Variants in ZDHHC20 observed in about 807,000 individuals in gnomAD.
ZDHHC20 encodes zDHHC palmitoyltransferase 20.
In ZDHHC20, 43 loss-of-function variants were observed where a neutral mutation model predicts 57.8. The ratio of observed to expected loss-of-function variants is 0.74; its 90% CI spans 0.58 to 0.96. The LOEUF is 0.96. Among genes scored for constraint, ZDHHC20 ranks in the 40% least tolerant of loss-of-function variants. The probability of loss-of-function intolerance (pLI) is 0.00; values close to 1 mark genes in which losing one functional copy is unlikely to be tolerated. For synonymous variants in ZDHHC20, 157 were observed against 153.0 expected (o/e 1.03, Z -0.19); for missense variants, 391 against 441.1 (o/e 0.89, Z 1.02).
intron 7 of ZDHHC20, among the ~76,000 whole-genome samples, chr13:21,396,255 T>C (rs996738495): frequency 6.6e-6 from 1 of 152,182 alleles, no homozygotes; most frequent in African/African-American, 2.4e-5. Context: ...GGCCTCACCA[T>C]ACCTGAATAA....
intron 6 of ZDHHC20, among the ~76,000 whole-genome samples, chr13:21,401,181 A>G (rs187635696): frequency 6.6e-6 from 1 of 151,990 alleles, no homozygotes; most frequent in African/African-American, 2.4e-5. Context: ...TGAGAGACTG[A>G]GGTGGAAGAA....
intron 1 of ZDHHC20, among the ~76,000 whole-genome samples, chr13:21,450,006 C>T (rs1208667636): frequency 6.6e-6 from 1 of 151,984 alleles, no homozygotes; most frequent in African/African-American, 2.4e-5. Flanking sequence ...AGGAGTGTAA[C>T]AGTTGCAGTA....
chr13:21,399,586 AT>A (rs964025204), intron 7 of ZDHHC20, among the ~76,000 whole-genome samples: 61 of 152,144 alleles, frequency 4.0e-4, no homozygotes, highest in African/African-American at 1.5e-3. Context: ...TGTTTTGAAT[AT>A]ATTACTATTT....
intron 1 of ZDHHC20, among the ~76,000 whole-genome samples, chr13:21,446,425 C>G (rs1883704968): frequency 6.6e-6 from 1 of 152,166 alleles, no homozygotes; most frequent in African/African-American, 2.4e-5. Flanking sequence ...GAAGACTTCA[C>G]ATTTAATAAG....
chr13:21,437,793 G>A lies in ZDHHC20; in HGVS notation c.119-12115C>T, dbSNP rs554703166. Among the ~76,000 whole-genome samples, 14 of 152,040 alleles carry A rather than the reference G, an allele frequency of 9.2e-5. No individual in the cohort carries two copies. The East Asian group carries it at 1.4e-3, about 15-fold the overall frequency. On this transcript the variant is annotated intron_variant, in intron 1 of 12. Coordinates refer to ENST00000400590, the MANE Select transcript of ZDHHC20 (RefSeq NM_001330059.2). ...TGCCACCTCCACCTCCCGGGTTCAC[G>A]CCATTCTCCTGCCTCAGCCTCCTAA...
In ZDHHC20 at chr13:21,402,842, T is replaced by C. The variant is rs1407352818; in HGVS notation, c.395A>G (p.Gln132Arg). ...SKTIRYCEKC[Q>R]LIKPDRAHHC... is the part of the protein sequence containing the mutation. Reference sequence around the variant, plus strand: ...ATGCGCCCGATCAGGTTTAATCAGCTGACATTTTTCACAATATCTGATAGC... The same window carrying C: ...ATGCGCCCGATCAGGTTTAATCAGCCGACATTTTTCACAATATCTGATAGC... The change falls in exon 5 of 13, where the codon CAG becomes CGG. Residue 132 changes from glutamine to arginine, a missense_variant. Around this residue, in one of 3 missense-constraint regions of ZDHHC20, gnomAD observed 185 missense variants for 188.0 expected, o/e 0.98. Transcript: ENST00000400590. 10 of 1,596,988 alleles carry C rather than the reference T, an allele frequency of 6.3e-6. No individual in the cohort carries two copies. Among genetic ancestry groups the C allele is most frequent in the African/African-American group, 1.3e-5 (1 of 74,810 alleles).
chr13:21,459,138 G>T lies in ZDHHC20; in HGVS notation c.34C>A (p.Arg12Ser). Residue 12 changes from arginine to serine, a missense_variant, in exon 1 of 13, where the codon CGC becomes AGC. Physicochemically the swap from Arg to Ser is moderately radical, Grantham distance 110. Transcript: ENST00000400590. ...AGCACCGGCACCCAGCCCACGACGC[G>T]CTGGCAGCAGCGCCACAGCGTCCAG... The part of the protein sequence containing the change: ...APWTLWRCCQ[R>S]VVGWVPVLFI... The T allele has an allele frequency of 6.2e-7, 1 of 1,604,946 alleles. No individual in the cohort carries two copies. The highest frequency in any genetic ancestry group is 8.5e-7 in the Non-Finnish European group (1 of 1,176,650).
intron 1 of ZDHHC20, among the ~76,000 whole-genome samples, chr13:21,443,232 T>C (rs924024023): frequency 6.6e-6 from 1 of 152,202 alleles, no homozygotes; most frequent in Non-Finnish European, 1.5e-5. Flanking sequence ...GAGTGGTGTT[T>C]TTTTTTAAGG....
At chr13:21,433,837 C>A (rs1291127889) in intron 1 of ZDHHC20, among the ~76,000 whole-genome samples, 1 of 152,164 alleles carries the variant, frequency 6.6e-6, no homozygotes, top group Non-Finnish European at 1.5e-5. Context: ...GAATCTTGCA[C>A]ATATTTTATT....
chr13:21,457,465 A>G (rs565109527), intron 1 of ZDHHC20, among the ~76,000 whole-genome samples: 1 of 152,336 alleles, frequency 6.6e-6, no homozygotes, highest in African/African-American at 2.4e-5. Flanking sequence ...TCCCAGAAAT[A>G]TTAAAATCTA....
intron 4 of ZDHHC20, 151 bp downstream of exon 4, chr13:21,413,501 A>AC: frequency 4.4e-6 from 2 of 453,210 alleles, no homozygotes; most frequent in Admixed American, 1.0e-4. Context: ...CATCTGAAAT[A>AC]CAGTAAGGAA....
rs1317852394 is a variant in ZDHHC20 at position 21,373,139 on chromosome 13, T to C, written c.*3557A>G. ...GCTGAAATGCAAAAATATGACTTTC[T>C]TAATAACAGATTAGTTAAAAATACT... is the stretch of plus-strand genomic sequence containing the variant. On this transcript the variant is annotated 3_prime_UTR_variant, in exon 13 of 13. Transcript: ENST00000400590. 1 of 152,208 alleles carries C rather than the reference T, an allele frequency of 6.6e-6. No homozygotes were observed. The highest frequency in any genetic ancestry group is 1.5e-5 in the Non-Finnish European group (1 of 68,010). The allele number at this position is 152,208 out of a possible 1,614,324, so 9.4% of individuals were successfully genotyped here.
intron 11 of ZDHHC20, 101 bp from the exon 12 acceptor site, chr13:21,378,839 GT>G: frequency 1.7e-6 from 1 of 593,122 alleles, no homozygotes; most frequent in South Asian, 4.9e-5. Context: ...TGACTATCAT[GT>G]AAATACAAAA....
At chr13:21,455,045 C>G in intron 1 of ZDHHC20, among the ~76,000 whole-genome samples, 1 of 152,080 alleles carries the variant, frequency 6.6e-6, no homozygotes, top group African/African-American at 2.4e-5. Flanking sequence ...CTCAGCCTCC[C>G]GAGTAGCTGG....
intron 1 of ZDHHC20, among the ~76,000 whole-genome samples, chr13:21,440,068 GAA>G (rs376263181): frequency 6.5e-4 from 58 of 89,758 alleles, no homozygotes; most frequent in African/African-American, 2.6e-3. Context: ...CTGTTTCTCA[GAA>G]AAAAAAAAAA....
At chr13:21,432,529 T>C (rs981294201) in intron 1 of ZDHHC20, among the ~76,000 whole-genome samples, 7 of 152,174 alleles carry the variant, frequency 4.6e-5, no homozygotes, top group African/African-American at 1.7e-4. Context: ...AGATGGGGTT[T>C]CACCATGTTA....
intron 1 of ZDHHC20, among the ~76,000 whole-genome samples, chr13:21,429,554 A>G (rs1264284593): frequency 6.6e-6 from 1 of 152,182 alleles, no homozygotes; most frequent in African/African-American, 2.4e-5. Context: ...AAATTTGGTT[A>G]TAATGTATGT....
chr13:21,392,976 T>C (rs1291533475), intron 7 of ZDHHC20, among the ~76,000 whole-genome samples: 1 of 152,204 alleles, frequency 6.6e-6, no homozygotes, highest in South Asian at 2.1e-4. Context: ...CAACTCTCTG[T>C]AGACTTCCTG....
intron 9 of ZDHHC20, among the ~76,000 whole-genome samples, chr13:21,383,452 C>T (rs1311728491): frequency 6.6e-6 from 1 of 152,190 alleles, no homozygotes; most frequent in Non-Finnish European, 1.5e-5. Context: ...GTCAATTAAA[C>T]ATCTTTCCTT....
Sources: gnomAD v4.1 joint callset for allele counts (sites outside exome capture counted in the v4.1 genomes callset) on GRCh38, gnomAD v4.1.1 for gene constraint, gnomAD v4.1.1 regional missense constraint, MANE v1.5 for transcripts, NCBI Gene and HGNC (gene_info 2026-07-23, HGNC 2026-07-21) for gene names.